Variants in IARS2 observed in about 807,000 individuals in gnomAD.
IARS2 encodes the protein isoleucine--tRNA ligase, mitochondrial.
Under a neutral mutation model 126.3 loss-of-function variants are expected in IARS2, and 56 were observed. The observed-to-expected ratio is 0.44, with a 90% CI of 0.36 to 0.55. The LOEUF is 0.55. Ranked by LOEUF, IARS2 falls within the 20% of genes least tolerant of loss-of-function variation. The probability of loss-of-function intolerance (pLI) is 0.00; values close to 1 mark genes in which losing one functional copy is unlikely to be tolerated. For synonymous variants in IARS2, 407 were observed against 441.1 expected, an observed-to-expected ratio of 0.92 and a Z score of 0.97; for missense variants, 1,127 against 1,245.9, an observed-to-expected ratio of 0.90 and a Z score of 1.44.
chr1:220,103,295 G>T, intron 7 of IARS2, 152 bp from the exon 8 acceptor site: 1 of 558,204 alleles, frequency 1.8e-6, no homozygotes, highest in East Asian at 2.8e-5. Context: ...TGATCCACCT[G>T]CCTTGGCCTC....
intron 20 of IARS2, among the ~76,000 whole-genome samples, 161 bp downstream of exon 20, chr1:220,142,109 G>T (rs1433780978): frequency 1.3e-5 from 2 of 152,188 alleles, no homozygotes; most frequent in Admixed American, 6.5e-5. Context: ...CCTATTTGTA[G>T]AGGAGTAGGG....
Position 220,143,013 on chromosome 1 carries a change from A to G in IARS2, c.2630A>G (p.Glu877Gly). 2 of 1,614,134 alleles carry G rather than the reference A, an allele frequency of 1.2e-6. No homozygotes were observed. The highest frequency in any genetic ancestry group is 1.7e-6 in the Non-Finnish European group (2 of 1,180,002). The change falls in exon 21 of 23, where the codon GAA becomes GGA. Residue 877 changes from glutamate (E) to glycine (G), a missense_variant. Glu to Gly is a moderately conservative substitution (Grantham distance 98). Transcript: ENST00000366922. ...ATCTGGAAAAAGCCCGGGTTGGAAG[A>G]AGCTGTGGAGAGTGCGTGTGCAATG... ...SSIWKKPGLE[E>G]AVESACAMRD...
At chr1:220,100,425 C>A in intron 2 of IARS2, 65 bp from the exon 3 acceptor site, 1 of 1,278,876 alleles carries the variant, frequency 7.8e-7, no homozygotes, top group Non-Finnish European at 1.1e-6. Context: ...TTTATCTTTG[C>A]AGATTTTGAA....
chr1:220,106,922 CGCCCG>C, intron 9 of IARS2, 134 bp from the exon 10 acceptor site: 1 of 637,032 alleles, frequency 1.6e-6, no homozygotes, highest in Non-Finnish European at 2.8e-6. Context: ...CTGAGTGCCG[CGCCCG>C]GCCAAGTACC....
rs367940541 is a variant in IARS2 at position 220,098,801 on chromosome 1, A to G, written c.391-1689A>G. On this transcript the variant is annotated intron_variant, in intron 2 of 22. Coordinates refer to ENST00000366922, the MANE Select transcript of IARS2 (RefSeq NM_018060.4). ...TACTATTCTTTTCACTAGAGGCTTCATATATTATATTTTATTATTACATTT... is the reference window on the plus strand; with the variant it reads ...TACTATTCTTTTCACTAGAGGCTTCGTATATTATATTTTATTATTACATTT... Among the ~76,000 whole-genome samples, 9 of 152,272 alleles carry G rather than the reference A, an allele frequency of 5.9e-5. 2 individuals are homozygous for G. The South Asian group carries it at 1.9e-3, about 32-fold the overall frequency.
At position 220,096,096 on chromosome 1, in the gene IARS2, TA is replaced by T. The variant is rs202120344; in HGVS notation, c.268-4del. 3,526 of 1,327,432 alleles carry T rather than the reference TA, an allele frequency of 2.7e-3. 1 individual carries two copies. The highest frequency in any genetic ancestry group is 7.3e-3 in the South Asian group (538 of 73,818). 82.2% of individuals were successfully genotyped at this position (1,327,432 alleles called of 1,614,324 possible). A position where few individuals can be genotyped will look rare whatever the true frequency, so the allele number is the denominator to read the frequency against. ...GATGTTTAGATATCTTTTTTTTTTT[TA>T]AAACAGAAATGTGGATTTTCAGAAC... On this transcript the variant is annotated splice_region_variant and splice_polypyrimidine_tract_variant and intron_variant, in intron 1 of 22. Coordinates refer to ENST00000366922, the MANE Select transcript of IARS2 (RefSeq NM_018060.4).
At chr1:220,110,692 C>A (rs1656781831) in intron 10 of IARS2, 94 bp from the exon 11 acceptor site, 4 of 957,746 alleles carry the variant, frequency 4.2e-6, no homozygotes, top group Middle Eastern at 3.2e-4. Context: ...CCACCTGTTG[C>A]TGCAGATTTA....
At chr1:220,096,313 A>G in intron 2 of IARS2, 87 bp downstream of exon 2, 1 of 879,628 alleles carries the variant, frequency 1.1e-6, no homozygotes, top group Non-Finnish European at 1.6e-6. Flanking sequence ...TATGATAATT[A>G]TGTAAATTTA....
chr1:220,140,300 C>G lies in IARS2; in HGVS notation c.2414+11C>G, dbSNP rs1241769707. 3 of 1,467,076 alleles carry G rather than the reference C, an allele frequency of 2.0e-6. No homozygotes were observed. The highest frequency in any genetic ancestry group is 2.9e-6 in the Non-Finnish European group (3 of 1,047,908). The allele number at this position is 1,467,076 out of a possible 1,614,324, so 90.9% of individuals were successfully genotyped here. A position where few individuals can be genotyped will look rare whatever the true frequency, so the allele number is the denominator to read the frequency against. On this transcript the variant is annotated intron_variant, in intron 19 of 22. Coordinates refer to ENST00000366922, the MANE Select transcript of IARS2 (RefSeq NM_018060.4). ...TATAATCAAAGATAGGTATGTATGA[C>G]TAAATATTAAAATGCTTAACAATGG... is the stretch of plus-strand genomic sequence containing the variant.
In IARS2 at chr1:220,106,006, C is replaced by T; in HGVS notation, c.1182C>T (p.Ala394=). 1 of 1,614,116 alleles carries T rather than the reference C, an allele frequency of 6.2e-7. No individual in the cohort carries two copies. The highest frequency in any genetic ancestry group is 8.5e-7 in the Non-Finnish European group (1 of 1,180,000). ...AAGGAACGGGATTGGTTCACACAGC[C>T]CCAGCTCATGGTATGGAAGACTACG... ...MAKGTGLVHT[A]PAHGMEDYGV... The change falls in exon 9 of 23, where the codon GCC becomes GCT. Residue 394 remains alanine (A), a synonymous_variant. Coordinates refer to ENST00000366922, the MANE Select transcript of IARS2 (RefSeq NM_018060.4).
chr1:220,146,726 C>A (rs1657601980), intron 22 of IARS2, among the ~76,000 whole-genome samples: 2 of 152,098 alleles, frequency 1.3e-5, no homozygotes, highest in Admixed American at 1.3e-4. Flanking sequence ...GGCTGGAGTG[C>A]AATGGCGCAA....
chr1:220,097,630 T>C (rs923646313), intron 2 of IARS2, among the ~76,000 whole-genome samples: 1 of 152,124 alleles, frequency 6.6e-6, no homozygotes, highest in African/African-American at 2.4e-5. Context: ...CCCAAAGTGC[T>C]GGGATTACAG....
At chr1:220,098,766 A>G (rs1177993894) in intron 2 of IARS2, among the ~76,000 whole-genome samples, 1 of 152,160 alleles carries the variant, frequency 6.6e-6, no homozygotes, top group Non-Finnish European at 1.5e-5. Context: ...AAATATTCCT[A>G]TGATATTGCT....
At chr1:220,118,680 CAT>C (rs1656976929) in intron 12 of IARS2, among the ~76,000 whole-genome samples, 1 of 152,078 alleles carries the variant, frequency 6.6e-6, no homozygotes, top group African/African-American at 2.4e-5. Context: ...CTATAGTTAA[CAT>C]AGTGAAACTT....
intron 12 of IARS2, among the ~76,000 whole-genome samples, chr1:220,116,282 C>T (rs1656912153): frequency 6.6e-6 from 1 of 152,110 alleles, no homozygotes; most frequent in Non-Finnish European, 1.5e-5. Context: ...CTAGTTGCTA[C>T]AGTGAACAAG....
chr1:220,137,675 A>C, intron 16 of IARS2: 7 of 396,806 alleles, frequency 1.8e-5, no homozygotes, highest in South Asian at 3.6e-5. Flanking sequence ...TGACCAGGGA[A>C]GAGATTAGGT....
rs746943125 is a variant in IARS2, at chr1:220,125,227, C to G, written c.1641-10C>G. 1.3e-6 allele frequency: 2 copies of G among 1,559,362 alleles called. No homozygotes were observed. Among genetic ancestry groups the G allele is most frequent in the Non-Finnish European group, 8.8e-7 (1 of 1,136,588 alleles). ...AATTGAATAATTCTGCCATGTCCCC[C>G]CTGAAATAGCCAAACCACTGAGCAT... On this transcript the variant is annotated splice_polypyrimidine_tract_variant and intron_variant, in intron 12 of 22. Transcript: ENST00000366922.
intron 20 of IARS2, 96 bp from the exon 21 acceptor site, chr1:220,142,848 T>C (rs948223180): frequency 2.6e-6 from 2 of 771,422 alleles, no homozygotes; most frequent in African/African-American, 3.4e-5. Context: ...AAATAACAAT[T>C]CTTATTTCCC....
rs183608392 is a variant in IARS2 at position 220,135,231 on chromosome 1, G to T, written c.1946+721G>T. ...GCTTTCATGAATTTTATTAAATTAG[G>T]TATTCTCATTTAGTACACATAATTA... On this transcript the variant is annotated intron_variant, in intron 15 of 22. Coordinates refer to ENST00000366922, the MANE Select transcript of IARS2 (RefSeq NM_018060.4). Among the ~76,000 whole-genome samples the T allele has an allele frequency of 5.9e-5, 9 of 152,332 alleles. No homozygotes were observed. The East Asian group carries it at 1.7e-3, about 29-fold the overall frequency.
Sources: allele counts gnomAD v4.1 joint callset (sites outside exome capture counted in the v4.1 genomes callset), GRCh38; gene constraint gnomAD v4.1.1; transcripts MANE v1.5; gene names NCBI Gene and HGNC (gene_info 2026-07-23, HGNC 2026-07-21).